The following THSD4 variants were observed in gnomAD, a reference collection of about 807,000 sequenced individuals.
THSD4 encodes thrombospondin type-1 domain-containing protein 4.
Under a neutral mutation model 119.0 loss-of-function variants are expected in THSD4, and 69 were observed. That is an observed-to-expected ratio of 0.58 (90% confidence interval 0.48 to 0.71). The LOEUF is 0.71. Among genes scored for constraint, THSD4 ranks in the 30% least tolerant of loss-of-function variants. The pLI is 0.00. For missense variants in THSD4, 1,393 were observed against 1,391.1 expected (o/e 1.00, Z -0.02); for synonymous variants, 524 against 540.4 (o/e 0.97, Z 0.42).
intron 6 of THSD4, among the ~76,000 whole-genome samples, chr15:71,325,433 T>C (rs1351760382): frequency 2.0e-5 from 3 of 152,070 alleles, no homozygotes; most frequent in Non-Finnish European, 2.9e-5. Flanking sequence ...AGAAACTGAT[T>C]TTGTCTGCAT....
At position 71,579,556 on chromosome 15, in the gene THSD4, A is replaced by G. The variant is rs1189869699; in HGVS notation, c.1153-80974A>G. Among the ~76,000 whole-genome samples, 4 of 152,194 alleles carry G rather than the reference A, an allele frequency of 2.6e-5. No homozygotes were observed. In the East Asian group the frequency reaches 7.7e-4, roughly 29 times the overall value. ...AGGTCAGAAGATCTGTCATTTGATTAAAGTCACTTCCCTGGGACTGAGAAA... is the reference window on the plus strand; with the variant it reads ...AGGTCAGAAGATCTGTCATTTGATTGAAGTCACTTCCCTGGGACTGAGAAA... On this transcript the variant is annotated intron_variant, in intron 7 of 17. Transcript: ENST00000261862.
chr15:71,234,826 G>C (rs2044090499), intron 4 of THSD4, among the ~76,000 whole-genome samples: 1 of 152,160 alleles, frequency 6.6e-6, no homozygotes. Flanking sequence ...TAGAAGAACT[G>C]TGTGGAAAGA....
At chr15:71,621,279 A>T (rs2050414393) in intron 7 of THSD4, among the ~76,000 whole-genome samples, 1 of 152,238 alleles carries the variant, frequency 6.6e-6, no homozygotes, top group African/African-American at 2.4e-5. Flanking sequence ...TGCTGTCAAG[A>T]TATTGACTGA....
rs13379633 is a variant in THSD4 at position 71,265,502 on chromosome 15, G to C, written c.1015+8787G>C. On this transcript the variant is annotated intron_variant, in intron 6 of 17. Transcript: ENST00000261862. ...CGGGTGCCTACACCACCAGGGCCCT[G>C]GGTTTCAAGCACAAAACTGGGTGGT... Among the ~76,000 whole-genome samples, 312 of 152,248 alleles carry C rather than the reference G, an allele frequency of 2.0e-3. 2 individuals carry two copies. Among genetic ancestry groups the C allele is most frequent in the African/African-American group, 7.1e-3 (297 of 41,564 alleles).
chr15:71,331,053 T>C (rs2045414591), intron 6 of THSD4, among the ~76,000 whole-genome samples: 1 of 152,184 alleles, frequency 6.6e-6, no homozygotes, highest in Non-Finnish European at 1.5e-5. Flanking sequence ...TCTCCTGCGC[T>C]CCTCTCAGTG....
At chr15:71,250,911 C>T (rs1019032315) in intron 5 of THSD4, among the ~76,000 whole-genome samples, 2 of 151,724 alleles carry the variant, frequency 1.3e-5, no homozygotes, top group Non-Finnish European at 2.9e-5. Context: ...TTATGAACTT[C>T]CTTGGATGAA....
chr15:71,304,928 A>G (rs1265444919), intron 6 of THSD4, among the ~76,000 whole-genome samples: 5 of 152,254 alleles, frequency 3.3e-5, no homozygotes, highest in African/African-American at 1.2e-4. Context: ...CATCAAATAC[A>G]TGTTTCCAAT....
chr15:71,111,396 A>G, upstream of THSD4: 1 of 1,611,892 alleles, frequency 6.2e-7, no homozygotes, highest in Non-Finnish European at 8.5e-7. Flanking sequence ...GGGCACAGGA[A>G]CTCAGACTGT....
At chr15:71,313,164 T>A (rs549147888) in intron 6 of THSD4, among the ~76,000 whole-genome samples, 1 of 152,264 alleles carries the variant, frequency 6.6e-6, no homozygotes, top group Non-Finnish European at 1.5e-5. Context: ...ATTTATTTTA[T>A]ACTTTGGGCT....
chr15:71,571,893 G>A (rs770454945), intron 7 of THSD4, among the ~76,000 whole-genome samples: 5 of 152,200 alleles, frequency 3.3e-5, no homozygotes, highest in Non-Finnish European at 7.3e-5. Context: ...AACCTACCAT[G>A]TATGAGCTGC....
rs578074212 is a variant in THSD4, at chr15:71,335,150, ATCT to A, written c.1016-76533_1016-76531del. Among the ~76,000 whole-genome samples, 149 of 152,310 alleles carry A rather than the reference ATCT, an allele frequency of 9.8e-4. 1 individual carries two copies. Among genetic ancestry groups the A allele is most frequent in the African/African-American group, 3.5e-3 (145 of 41,570 alleles). On this transcript the variant is annotated intron_variant, in intron 6 of 17. Coordinates refer to ENST00000261862, the MANE Select transcript of THSD4 (RefSeq NM_024817.3). ...CCTGGGTCATGTTAGCATCAGAATC[ATCT>A]TCTGTTAATTACATGAGACAATACA... is the stretch of plus-strand genomic sequence containing the variant.
intron 2 of THSD4, among the ~76,000 whole-genome samples, chr15:71,142,202 G>T (rs916768359): frequency 6.6e-6 from 1 of 151,856 alleles, no homozygotes; most frequent in Non-Finnish European, 1.5e-5. Context: ...TTTCACCTGC[G>T]TTTTAAAATT....
chr15:71,138,784 A>C (rs1289029567), intron 1 of THSD4, among the ~76,000 whole-genome samples: 1 of 151,860 alleles, frequency 6.6e-6, no homozygotes, highest in Non-Finnish European at 1.5e-5. Context: ...CTCTTAATGC[A>C]ATTTTATTTT....
In THSD4 at chr15:71,137,191, G is replaced by C. The variant is rs554005866; in HGVS notation, c.-79-4258G>C. Reference sequence around the variant, plus strand: ...TCAACAGGAGCAAACCTCAAAAGGCGGACAGAGCTCCGCAGACAGCACGTG... The same window carrying C: ...TCAACAGGAGCAAACCTCAAAAGGCCGACAGAGCTCCGCAGACAGCACGTG... On this transcript the variant is annotated intron_variant, in intron 1 of 17. Coordinates refer to ENST00000261862, the MANE Select transcript of THSD4 (RefSeq NM_024817.3). Among the ~76,000 whole-genome samples, 9 of 152,126 alleles carry C rather than the reference G, an allele frequency of 5.9e-5. No individual in the cohort carries two copies. The South Asian group carries it at 1.9e-3, about 32-fold the overall frequency.
rs574161450 is a variant in THSD4 at position 71,737,843 on chromosome 15, T to A, written c.1742T>A (p.Phe581Tyr). 6.2e-7 allele frequency: 1 copy of A among 1,614,208 alleles called. No individual in the cohort carries two copies. Among genetic ancestry groups the A allele is most frequent in the South Asian group, 1.1e-5 (1 of 91,086 alleles). Reference sequence around the variant, plus strand: ...TTGCGTGGGGAGGCCCCTGAGATGTTCACCTCAGAATCGGCACAGACCTTC... The same window carrying A: ...TTGCGTGGGGAGGCCCCTGAGATGTACACCTCAGAATCGGCACAGACCTTC... ...EDLRGEAPEMFTSESAQTFPV... is the reference protein window; with the variant it reads ...EDLRGEAPEMYTSESAQTFPV... The change falls in exon 11 of 18, where the codon TTC (phenylalanine) becomes TAC (tyrosine). Residue 581 changes from phenylalanine (F) to tyrosine (Y), a missense_variant. Phe to Tyr is a conservative substitution (Grantham distance 22). Coordinates refer to ENST00000261862, the MANE Select transcript of THSD4 (RefSeq NM_024817.3).
In THSD4 at chr15:71,366,733, G is replaced by T. The variant is rs1016227288; in HGVS notation, c.1016-44954G>T. On this transcript the variant is annotated intron_variant, in intron 6 of 17. Transcript: ENST00000261862. ...AAAACACTCCCACATTATTTGCTCC[G>T]ATCATCTCCAAGAGAACAGTACTCA... is the stretch of plus-strand genomic sequence containing the variant. Among the ~76,000 whole-genome samples the T allele has an allele frequency of 7.9e-5, 12 of 151,990 alleles. No individual in the cohort carries two copies. The South Asian group carries it at 2.5e-3, about 32-fold the overall frequency.
In THSD4 at chr15:71,243,002, C is replaced by T. The variant is rs1379637384; in HGVS notation, c.818C>T (p.Thr273Ile). 1 of 1,614,094 alleles carries T rather than the reference C, an allele frequency of 6.2e-7. No individual in the cohort carries two copies. The highest frequency in any genetic ancestry group is 8.5e-7 in the Non-Finnish European group (1 of 1,180,048). Residue 273 changes from threonine to isoleucine, a missense_variant, in exon 5 of 18, where the codon ACC becomes ATC. Coordinates refer to ENST00000261862, the MANE Select transcript of THSD4 (RefSeq NM_024817.3). The part of the protein sequence containing the change: ...PETSNNHGVG[T>I]HGATQSFSQP... ...ACAAGCAACAACCACGGTGTGGGGACCCATGGGGCAACTCAGAGCTTCTCT... is the reference window on the plus strand; with the variant it reads ...ACAAGCAACAACCACGGTGTGGGGATCCATGGGGCAACTCAGAGCTTCTCT...
chr15:71,769,927 T>TA (rs1367063162), intron 16 of THSD4, among the ~76,000 whole-genome samples: 7 of 65,056 alleles, frequency 1.1e-4, no homozygotes, highest in African/African-American at 5.8e-4. Context: ...AAAAATAAAT[T>TA]TAAAAAAAAA....
At chr15:71,488,161 A>C (rs900696383) in intron 7 of THSD4, among the ~76,000 whole-genome samples, 1 of 152,202 alleles carries the variant, frequency 6.6e-6, no homozygotes, top group Non-Finnish European at 1.5e-5. Flanking sequence ...TTATCATATG[A>C]AGGGAACATT....
Sources: allele counts gnomAD v4.1 joint callset (sites outside exome capture counted in the v4.1 genomes callset), GRCh38; gene constraint gnomAD v4.1.1; transcripts MANE v1.5; gene names NCBI Gene and HGNC (gene_info 2026-07-23, HGNC 2026-07-21).